The following ZNF385B variants were observed in gnomAD, a reference collection of about 807,000 sequenced individuals.
The protein encoded by ZNF385B is zinc finger protein 533.
Under a neutral mutation model 39.2 loss-of-function variants are expected in ZNF385B, and 23 were observed. The observed-to-expected ratio is 0.59, with a 90% CI of 0.42 to 0.83. ZNF385B has a LOEUF of 0.83. Ranked by LOEUF, ZNF385B falls within the 40% of genes least tolerant of loss-of-function variation. The probability of loss-of-function intolerance (pLI) is 0.00; values close to 1 mark genes in which losing one functional copy is unlikely to be tolerated. For synonymous variants in ZNF385B, 205 were observed against 222.6 expected (o/e 0.92, Z 0.70); for missense variants, 552 against 598.9 (o/e 0.92, Z 0.82).
chr2:179,695,668 T>C (rs914723529), intron 3 of ZNF385B, among the ~76,000 whole-genome samples: 2 of 152,198 alleles, frequency 1.3e-5, no homozygotes, highest in African/African-American at 4.8e-5. Flanking sequence ...TACACCCAGA[T>C]GCCCAGAATT....
chr2:179,570,414 C>T (rs1434078987), intron 3 of ZNF385B, among the ~76,000 whole-genome samples: 1 of 152,142 alleles, frequency 6.6e-6, no homozygotes, highest in Non-Finnish European at 1.5e-5. Flanking sequence ...GTGTATGTAG[C>T]CTTAGAGCCA....
At chr2:179,513,592 C>A (rs555573121) in intron 5 of ZNF385B, among the ~76,000 whole-genome samples, 1 of 152,328 alleles carries the variant, frequency 6.6e-6, no homozygotes, top group Non-Finnish European at 1.5e-5. Context: ...CAACCCAACC[C>A]ATTACACAAA....
In ZNF385B at chr2:179,832,047, G is replaced by C. The variant is rs77583604; in HGVS notation, c.-155+29054C>G. On this transcript the variant is annotated intron_variant, in intron 1 of 9. Coordinates refer to ENST00000410066, the MANE Select transcript of ZNF385B (RefSeq NM_152520.6). ...GCATATAACATCCAGCTGTGGGTCT[G>C]AGGATATGTGGCAGAGCCTCCTTCC... is the stretch of plus-strand genomic sequence containing the variant. 8.0e-3 allele frequency among the ~76,000 whole-genome samples: 1,218 copies of C among 152,344 alleles called. 17 individuals are homozygous for C. The highest frequency in any genetic ancestry group is 0.027 in the African/African-American group (1,139 of 41,566).
In ZNF385B at chr2:179,443,279, G is replaced by C; in HGVS notation, c.1432C>G (p.Pro478Ala). 1 of 1,612,550 alleles carries C rather than the reference G, an allele frequency of 6.2e-7. No homozygotes were observed. The highest frequency in any genetic ancestry group is 8.5e-7 in the Non-Finnish European group (1 of 1,180,030). Residue 478 changes from proline to alanine, a missense_variant, in exon 10 of 10, where the codon CCT (proline) becomes GCT (alanine). By Grantham distance (27) the Pro-to-Ala change is conservative (BLOSUM62 -1). Transcript: ENST00000410066. ...RPGHGPIRATPASILFAPY is the reference protein window; with the variant it reads ...RPGHGPIRATAASILFAPY The stretch of plus-strand genomic sequence containing the variant: ...TACGGAGCAAAGAGGATGGAGGCAG[G>C]AGTGGCGCGGATGGGCCCATGCCCA...
At chr2:179,475,251 AT>A (rs767500606) in intron 6 of ZNF385B, among the ~76,000 whole-genome samples, 11,480 of 136,876 alleles carry the variant, frequency 0.084, 420 homozygotes, top group South Asian at 0.14. Flanking sequence ...TTATCGCACA[AT>A]TTTTTTTTTT....
chr2:179,461,606 A>T (rs1196209801), intron 6 of ZNF385B, among the ~76,000 whole-genome samples: 1 of 152,184 alleles, frequency 6.6e-6, no homozygotes, highest in African/African-American at 2.4e-5. Flanking sequence ...TAGCCAGAAA[A>T]ACCTGGCTAT....
chr2:179,824,879 A>T (rs963265101), intron 1 of ZNF385B, among the ~76,000 whole-genome samples: 6 of 141,962 alleles, frequency 4.2e-5, no homozygotes, highest in Admixed American at 2.1e-4. Context: ...AGTCTGATTT[A>T]AAAAAAAAAA....
At chr2:179,758,709 G>A (rs914204254) in intron 3 of ZNF385B, among the ~76,000 whole-genome samples, 1 of 152,136 alleles carries the variant, frequency 6.6e-6, no homozygotes, top group Non-Finnish European at 1.5e-5. Flanking sequence ...TCCTTGAAGA[G>A]GGGTCTACTG....
chr2:179,760,223 C>CACGTGTGTGT (rs1553525686), intron 3 of ZNF385B, among the ~76,000 whole-genome samples: 3 of 144,476 alleles, frequency 2.1e-5, no homozygotes, highest in African/African-American at 7.7e-5. Context: ...TTCCTGTGTG[C>CACGTGTGTGT]GTGTGTGTGT....
At chr2:179,689,671 G>C (rs1055973396) in intron 3 of ZNF385B, among the ~76,000 whole-genome samples, 13 of 152,124 alleles carry the variant, frequency 8.5e-5, no homozygotes, top group African/African-American at 2.7e-4. Flanking sequence ...CTGTGCCCAG[G>C]AGACTGACTA....
chr2:179,761,761 C>CTTTTTTTTTTTTTTTTTTT (rs34325728), intron 3 of ZNF385B, among the ~76,000 whole-genome samples: 4 of 110,286 alleles, frequency 3.6e-5, no homozygotes, highest in African/African-American at 6.9e-5. Flanking sequence ...TTTTTCTTTT[C>CTTTTTTTTTTTTTTTTTTT]TTTTTTTTTT....
intron 3 of ZNF385B, among the ~76,000 whole-genome samples, chr2:179,616,314 G>T (rs560173489): frequency 6.8e-4 from 104 of 152,258 alleles, no homozygotes; most frequent in African/African-American, 2.4e-3. Context: ...TTTTATGACA[G>T]TATGTTTTAT....
At position 179,803,019 on chromosome 2, in the gene ZNF385B, T is replaced by G. The variant is rs146316135; in HGVS notation, c.-154-32347A>C. Among the ~76,000 whole-genome samples the G allele has an allele frequency of 3.4e-3, 523 of 152,300 alleles. 1 individual carries two copies. The highest frequency in any genetic ancestry group is 6.0e-3 in the Non-Finnish European group (408 of 68,008). On this transcript the variant is annotated intron_variant, in intron 1 of 9. Transcript: ENST00000410066. ...CGTGCTTTAACAGTAAATTAACTCA[T>G]TCAACAGTTGACATATTCAATCTTT... is the stretch of plus-strand genomic sequence containing the variant.
At chr2:179,583,307 T>G (rs1474699723) in intron 3 of ZNF385B, among the ~76,000 whole-genome samples, 1 of 152,112 alleles carries the variant, frequency 6.6e-6, no homozygotes, top group Non-Finnish European at 1.5e-5. Flanking sequence ...TTCTTTTATG[T>G]GGGAGAAAAA....
At chr2:179,770,447 C>T (rs376211321) in intron 2 of ZNF385B, 74 bp downstream of exon 2, 8 of 152,382 alleles carry the variant, frequency 5.2e-5, no homozygotes, top group African/African-American at 1.9e-4. Context: ...TACACCTGGG[C>T]ATATACAAAC....
chr2:179,850,480 G>T (rs1028101402), intron 1 of ZNF385B, among the ~76,000 whole-genome samples: 4 of 152,142 alleles, frequency 2.6e-5, no homozygotes, highest in Non-Finnish European at 5.9e-5. Context: ...CACTGAATCT[G>T]GTTGTGCCTG....
intron 6 of ZNF385B, among the ~76,000 whole-genome samples, chr2:179,482,860 T>C (rs777302443): frequency 3.3e-5 from 5 of 152,088 alleles, no homozygotes; most frequent in Non-Finnish European, 7.4e-5. Flanking sequence ...AAATATCTAT[T>C]AGTAAACAAG....
At chr2:179,663,698 A>T (rs377051209) in intron 3 of ZNF385B, among the ~76,000 whole-genome samples, 1 of 133,122 alleles carries the variant, frequency 7.5e-6, no homozygotes, top group Non-Finnish European at 1.5e-5. Context: ...TGGGCGACAG[A>T]GCGAGACTCC....
rs565049705 is a variant in ZNF385B, at chr2:179,643,818, A to C, written c.299-98849T>G. Among the ~76,000 whole-genome samples, 171 of 152,174 alleles carry C rather than the reference A, an allele frequency of 1.1e-3. 1 individual carries two copies. Among genetic ancestry groups the C allele is most frequent in the African/African-American group, 2.1e-3 (87 of 41,538 alleles). On this transcript the variant is annotated intron_variant, in intron 3 of 9. Coordinates refer to ENST00000410066, the MANE Select transcript of ZNF385B (RefSeq NM_152520.6). The stretch of plus-strand genomic sequence containing the variant: ...GTGGTAGTTTCATGAATCTCTCTCT[A>C]TATATATGTATCAAAACTCCTAGTT...
Sources: gnomAD v4.1 joint callset for allele counts (sites outside exome capture counted in the v4.1 genomes callset) on GRCh38, gnomAD v4.1.1 for gene constraint, MANE v1.5 for transcripts, NCBI Gene and HGNC (gene_info 2026-07-23, HGNC 2026-07-21) for gene names.